The following LTBP1 variants were observed in gnomAD, a reference collection of about 807,000 sequenced individuals.
The protein encoded by LTBP1 is latent transforming growth factor beta binding protein 1.
Under a neutral mutation model 207.6 loss-of-function variants are expected in LTBP1, and 129 were observed. The observed-to-expected ratio is 0.62, with a 90% CI of 0.54 to 0.72. LTBP1 has a LOEUF of 0.72. Among genes scored for constraint, LTBP1 ranks in the 30% least tolerant of loss-of-function variants. LTBP1 has a pLI of 0.00. For synonymous variants in LTBP1, 963 were observed against 833.7 expected, an observed-to-expected ratio of 1.16 and a Z score of -2.67; for missense variants, 2,281 against 2,217.2, an observed-to-expected ratio of 1.03 and a Z score of -0.58.
chr2:33,219,228 A>G lies in LTBP1; in HGVS notation c.1804+1574A>G, dbSNP rs1047146760. 7.2e-5 allele frequency among the ~76,000 whole-genome samples: 11 copies of G among 152,322 alleles called. No homozygotes were observed. The South Asian group carries it at 1.0e-3, about 14-fold the overall frequency. ...ATTTACAAAAATAATCCATGTAAAT[A>G]AGGACATTTTCAGTACTGAGAGAAT... On this transcript the variant is annotated intron_variant, in intron 8 of 33. Transcript: ENST00000404816.
intron 9 of LTBP1, among the ~76,000 whole-genome samples, chr2:33,242,628 C>T (rs2092369905): frequency 6.7e-6 from 1 of 149,214 alleles, no homozygotes; most frequent in Non-Finnish European, 1.5e-5. Flanking sequence ...TGACTCCTTT[C>T]TCTTACTTTC....
At chr2:33,337,480 G>T (rs201319668) in intron 24 of LTBP1, among the ~76,000 whole-genome samples, 7 of 152,070 alleles carry the variant, frequency 4.6e-5, no homozygotes, top group Admixed American at 4.6e-4. Context: ...ATTCTCCTTG[G>T]TTTGCATAAT....
chr2:33,018,152 G>GTT (rs56791136), intron 2 of LTBP1, among the ~76,000 whole-genome samples: 18 of 146,056 alleles, frequency 1.2e-4, no homozygotes, highest in East Asian at 4.0e-4. Context: ...TAAGTTCAAA[G>GTT]TTTTTTTTTT....
chr2:33,259,900 G>C (rs1370846516), intron 13 of LTBP1, among the ~76,000 whole-genome samples: 2 of 152,158 alleles, frequency 1.3e-5, no homozygotes, highest in East Asian at 1.9e-4. Context: ...TGGGAATCAA[G>C]GGCATAAATA....
intron 26 of LTBP1, among the ~76,000 whole-genome samples, chr2:33,352,496 C>T (rs748575666): frequency 6.6e-6 from 1 of 151,812 alleles, no homozygotes; most frequent in African/African-American, 2.4e-5. Flanking sequence ...TTTTGTCTCC[C>T]CATTCGTCAT....
chr2:33,158,318 T>C (rs2084173129), intron 5 of LTBP1, among the ~76,000 whole-genome samples: 3 of 152,124 alleles, frequency 2.0e-5, no homozygotes, highest in African/African-American at 7.2e-5. Flanking sequence ...ATTAAGTAGT[T>C]ACATAGAAGT....
chr2:33,221,447 G>A (rs148377435), intron 8 of LTBP1, among the ~76,000 whole-genome samples: 4 of 152,302 alleles, frequency 2.6e-5, no homozygotes, highest in Non-Finnish European at 5.9e-5. Context: ...TCAGGAAATA[G>A]GGTTTTGTTG....
At chr2:33,361,062 A>G (rs1423867457) in intron 27 of LTBP1, among the ~76,000 whole-genome samples, 1 of 152,262 alleles carries the variant, frequency 6.6e-6, no homozygotes, top group African/African-American at 2.4e-5. Flanking sequence ...TGTTGCTGAC[A>G]ATGATACAGC....
At chr2:33,145,724 G>A (rs2082971209) in intron 5 of LTBP1, among the ~76,000 whole-genome samples, 1 of 152,158 alleles carries the variant, frequency 6.6e-6, no homozygotes, top group African/African-American at 2.4e-5. Flanking sequence ...AAACCATGAC[G>A]CTGTGTGGAA....
chr2:33,036,163 C>T (rs927585313), intron 3 of LTBP1, among the ~76,000 whole-genome samples: 9 of 152,092 alleles, frequency 5.9e-5, no homozygotes, highest in Non-Finnish European at 1.0e-4. Flanking sequence ...TCAGAATCGC[C>T]GGTGGAGGGC....
At position 33,212,616 on chromosome 2, in the gene LTBP1, A is replaced by G. The variant is rs537942789; in HGVS notation, c.1702-4936A>G. ...GGTTTCCATGGTCAGCTCCTAGTGA[A>G]GTCAGCATCTTCCACTGTTAAGGAG... On this transcript the variant is annotated intron_variant, in intron 7 of 33. Coordinates refer to ENST00000404816, the MANE Select transcript of LTBP1 (RefSeq NM_206943.4). Among the ~76,000 whole-genome samples, 4 of 152,312 alleles carry G rather than the reference A, an allele frequency of 2.6e-5. No homozygotes were observed. In the South Asian group the frequency reaches 8.3e-4, roughly 32 times the overall value.
At chr2:33,322,908 C>T (rs1012152778) in intron 24 of LTBP1, among the ~76,000 whole-genome samples, 1 of 151,900 alleles carries the variant, frequency 6.6e-6, no homozygotes, top group African/African-American at 2.4e-5. Context: ...TTTTTTATTT[C>T]TTTACCACCT....
chr2:33,241,501 A>T (rs2092321628), intron 9 of LTBP1, among the ~76,000 whole-genome samples: 1 of 152,192 alleles, frequency 6.6e-6, no homozygotes, highest in African/African-American at 2.4e-5. Flanking sequence ...TCTGGGGGGA[A>T]ACCTCTACAT....
intron 25 of LTBP1, among the ~76,000 whole-genome samples, chr2:33,344,248 A>G (rs1223828045): frequency 1.3e-5 from 2 of 152,208 alleles, no homozygotes; most frequent in Non-Finnish European, 2.9e-5. Context: ...TCACAACAAG[A>G]CATAGTTATT....
chr2:33,287,906 G>C (rs193181793), intron 19 of LTBP1, among the ~76,000 whole-genome samples: 25 of 152,118 alleles, frequency 1.6e-4, no homozygotes, highest in Admixed American at 1.6e-3. Flanking sequence ...CTCTCATTTT[G>C]CCATGCTTGC....
chr2:33,158,619 G>A (rs747155135), intron 5 of LTBP1, among the ~76,000 whole-genome samples: 3 of 42,808 alleles, frequency 7.0e-5, no homozygotes, highest in Non-Finnish European at 2.1e-4. Context: ...AAGGACCTAT[G>A]AGATTCATTG....
At chr2:33,365,700 C>T (rs1052908578) in intron 31 of LTBP1, among the ~76,000 whole-genome samples, 197 bp downstream of exon 31, 1 of 151,978 alleles carries the variant, frequency 6.6e-6, no homozygotes, top group Non-Finnish European at 1.5e-5. Flanking sequence ...CTACTCCCGA[C>T]CCTGTCGTTA....
intron 32 of LTBP1, among the ~76,000 whole-genome samples, chr2:33,395,875 T>G (rs981376296): frequency 6.6e-6 from 1 of 151,916 alleles, no homozygotes; most frequent in African/African-American, 2.4e-5. Context: ...GGAGAATTAC[T>G]TCAAAGGCCA....
At chr2:33,104,202 G>A (rs780974367) in intron 3 of LTBP1, among the ~76,000 whole-genome samples, 1 of 152,204 alleles carries the variant, frequency 6.6e-6, no homozygotes, top group African/African-American at 2.4e-5. Flanking sequence ...AGTGTAAACA[G>A]TGTGTGACTA....
Sources: gnomAD v4.1 joint callset for allele counts (sites outside exome capture counted in the v4.1 genomes callset) on GRCh38, gnomAD v4.1.1 for gene constraint, MANE v1.5 for transcripts, NCBI Gene and HGNC (gene_info 2026-07-23, HGNC 2026-07-21) for gene names.